LHFPL3: variants seen among roughly 807,000 people sequenced by gnomAD.
LHFPL3 encodes LHFPL tetraspan subfamily member 3.
A neutral mutation model predicts 19.3 loss-of-function variants in LHFPL3; 5 were observed. The observed-to-expected ratio is 0.26, with a 90% CI of 0.14 to 0.54. The LOEUF (loss-of-function observed/expected upper bound fraction) is 0.54. Among genes scored for constraint, LHFPL3 ranks in the 20% least tolerant of loss-of-function variants. The pLI, the probability that LHFPL3 is intolerant of heterozygous loss-of-function variation, is 0.94. For synonymous variants in LHFPL3, 133 were observed against 126.2 expected, an observed-to-expected ratio of 1.05 and a Z score of -0.36; for missense variants, 249 against 307.4, an observed-to-expected ratio of 0.81 and a Z score of 1.42.
At chr7:104,341,413 C>A (rs1789950279) in intron 1 of LHFPL3, among the ~76,000 whole-genome samples, 1 of 152,230 alleles carries the variant, frequency 6.6e-6, no homozygotes, top group Admixed American at 6.5e-5. Context: ...ATGACTACAT[C>A]TATGACTATG....
intron 1 of LHFPL3, among the ~76,000 whole-genome samples, chr7:104,464,771 T>C (rs1245663037): frequency 1.3e-5 from 2 of 152,192 alleles, no homozygotes; most frequent in African/African-American, 4.8e-5. Flanking sequence ...AGACCATTTT[T>C]CCCTCCTAGG....
At chr7:104,671,583 A>AAAAAAAG (rs1554422929) in intron 1 of LHFPL3, among the ~76,000 whole-genome samples, 1 of 150,306 alleles carries the variant, frequency 6.7e-6, no homozygotes, top group African/African-American at 2.5e-5. Context: ...AAAAAAAAAA[A>AAAAAAAG]AAAGAAAGAA....
chr7:104,660,639 A>T (rs1451027626), intron 1 of LHFPL3, among the ~76,000 whole-genome samples: 1 of 152,214 alleles, frequency 6.6e-6, no homozygotes, highest in Non-Finnish European at 1.5e-5. Context: ...GTATAGAGGC[A>T]TAAGGAAATA....
At chr7:104,849,828 C>A (rs1266798270) in intron 2 of LHFPL3, among the ~76,000 whole-genome samples, 1 of 152,166 alleles carries the variant, frequency 6.6e-6, no homozygotes, top group Non-Finnish European at 1.5e-5. Context: ...GGCCTTATGG[C>A]CCATAGTCAA....
intron 1 of LHFPL3, among the ~76,000 whole-genome samples, chr7:104,666,715 G>T (rs1344143818): frequency 6.6e-6 from 1 of 150,498 alleles, no homozygotes; most frequent in African/African-American, 2.4e-5. Flanking sequence ...TACAGACGGG[G>T]TTTCACCGTT....
chr7:104,596,400 T>C (rs914370945), intron 1 of LHFPL3, among the ~76,000 whole-genome samples: 1 of 152,220 alleles, frequency 6.6e-6, no homozygotes, highest in Non-Finnish European at 1.5e-5. Flanking sequence ...TCTTGAAATA[T>C]TTTCTTCCAT....
chr7:104,442,228 C>A (rs1304940082), intron 1 of LHFPL3, among the ~76,000 whole-genome samples: 1 of 101,570 alleles, frequency 9.8e-6, no homozygotes, highest in African/African-American at 4.4e-5. Context: ...ATTCTTTGCT[C>A]ATTTTAAAAT....
At chr7:104,673,218 G>A (rs1792520202) in intron 1 of LHFPL3, among the ~76,000 whole-genome samples, 1 of 152,188 alleles carries the variant, frequency 6.6e-6, no homozygotes, top group Non-Finnish European at 1.5e-5. Context: ...TGCAAAGTAC[G>A]AAAAGAGTTT....
intron 2 of LHFPL3, among the ~76,000 whole-genome samples, chr7:104,867,056 C>G (rs1160720671): frequency 1.3e-5 from 2 of 152,206 alleles, no homozygotes; most frequent in African/African-American, 4.8e-5. Context: ...ATACCAGAAT[C>G]TCTGGGACAC....
At chr7:104,598,896 A>C (rs2115684991) in intron 1 of LHFPL3, among the ~76,000 whole-genome samples, 1 of 152,370 alleles carries the variant, frequency 6.6e-6, no homozygotes, top group East Asian at 1.9e-4. Context: ...GAATTCCCTC[A>C]GTTTTTTAGA....
rs1791278348 is a variant in LHFPL3, at chr7:104,399,930, C to A, written c.445+70706C>A. Among the ~76,000 whole-genome samples the A allele has an allele frequency of 6.7e-6, 1 of 150,234 alleles. No homozygotes were observed. The highest frequency in any genetic ancestry group is 2.4e-5 in the African/African-American group (1 of 40,976). ...ACCAGCCTGGCCAACATGGTTAAAC[C>A]CTGTCTCTACTAAAAATACAAAAAT... On this transcript the variant is annotated intron_variant, in intron 1 of 2. Coordinates refer to ENST00000424859, the MANE Select transcript of LHFPL3 (RefSeq NM_199000.3). This position sits in a 1 kb window ranked among gnomAD's most constrained non-coding sequence, Gnocchi z 4.4.
At chr7:104,556,822 G>A (rs1255745709) in intron 1 of LHFPL3, among the ~76,000 whole-genome samples, 1 of 152,142 alleles carries the variant, frequency 6.6e-6, no homozygotes, top group African/African-American at 2.4e-5. Context: ...GCCTTTAACA[G>A]AAACCAAGTC....
At chr7:104,745,587 G>A (rs150215531) in intron 2 of LHFPL3, among the ~76,000 whole-genome samples, 3,514 of 152,252 alleles carry the variant, frequency 0.023, 136 homozygotes, top group African/African-American at 0.078. Flanking sequence ...CTTCCTAGAT[G>A]CCTGTAGAAC....
chr7:104,366,576 C>T (rs74861698), intron 1 of LHFPL3, among the ~76,000 whole-genome samples: 160 of 152,296 alleles, frequency 1.1e-3, no homozygotes, highest in African/African-American at 3.6e-3. Flanking sequence ...CCAAGCACCC[C>T]GTCAAGGGCT....
At chr7:104,877,433 T>A (rs974545444) in intron 2 of LHFPL3, among the ~76,000 whole-genome samples, 6 of 152,070 alleles carry the variant, frequency 3.9e-5, no homozygotes, top group Non-Finnish European at 1.5e-5. Context: ...AATGACCCAA[T>A]TAAAAGCTGG....
chr7:104,554,692 C>T (rs28655205), intron 1 of LHFPL3, among the ~76,000 whole-genome samples: 145 of 132,558 alleles, frequency 1.1e-3, no homozygotes, highest in African/African-American at 3.3e-3. Flanking sequence ...GATAGATAGA[C>T]AGACAGATGA....
At chr7:104,527,954 A>T (rs7783352) in intron 1 of LHFPL3, among the ~76,000 whole-genome samples, 58,345 of 152,072 alleles carry the variant, frequency 0.38, 11,365 homozygotes, top group Middle Eastern at 0.47. Context: ...TTTCTATGTA[A>T]GTTACAAATC....
intron 1 of LHFPL3, among the ~76,000 whole-genome samples, chr7:104,434,782 G>C: frequency 6.6e-6 from 1 of 152,138 alleles, no homozygotes; most frequent in East Asian, 1.9e-4. Flanking sequence ...TCACATGCAA[G>C]ATAGCCGTGT....
rs764111359 is a variant in LHFPL3 at position 104,736,773 on chromosome 7, G to A, written c.544G>A (p.Gly182Arg). ...CGEKTDKYTL[G>R]ACSVRWAYIL... Reference sequence around the variant, plus strand: ...AGAAAAGACAGACAAGTACACTCTTGGGGCTTGCTCAGTCCGCTGGGCATA... The same window carrying A: ...AGAAAAGACAGACAAGTACACTCTTAGGGCTTGCTCAGTCCGCTGGGCATA... Residue 182 changes from glycine (G) to arginine (R), a missense_variant, in exon 2 of 3, where the codon GGG becomes AGG. Coordinates refer to ENST00000424859, the MANE Select transcript of LHFPL3 (RefSeq NM_199000.3). 6.2e-7 allele frequency: 1 copy of A among 1,613,674 alleles called. No homozygotes were observed.
Sources: gnomAD v4.1 joint callset for allele counts (sites outside exome capture counted in the v4.1 genomes callset) on GRCh38, gnomAD v4.1.1 for gene constraint, Gnocchi (gnomAD v3.1) non-coding constraint, MANE v1.5 for transcripts, NCBI Gene and HGNC (gene_info 2026-07-23, HGNC 2026-07-21) for gene names.